SGSM1: variants seen among roughly 807,000 people sequenced by gnomAD.
SGSM1 encodes the protein small G protein signaling modulator 1.
SGSM1 carries 73 observed loss-of-function variants against 133.8 expected under a neutral mutation model. That is an observed-to-expected ratio of 0.55 (90% CI 0.45 to 0.66). SGSM1 has a LOEUF of 0.66. SGSM1 is among the 30% of genes least tolerant of loss of function. SGSM1 has a pLI of 0.00. For missense variants in SGSM1, 1,213 were observed against 1,448.1 expected (o/e 0.84, Z 2.64); for synonymous variants, 563 against 573.0 (o/e 0.98, Z 0.25).
intron 3 of SGSM1, among the ~76,000 whole-genome samples, chr22:24,846,225 G>T (rs1471407193): frequency 6.6e-6 from 1 of 151,498 alleles, no homozygotes; most frequent in African/African-American, 2.4e-5. Flanking sequence ...TTTCTGTAAA[G>T]ATGGAGTCTT....
chr22:24,844,866 C>T (rs1930003983), intron 2 of SGSM1, 31 bp from the exon 3 acceptor site: 4 of 1,611,512 alleles, frequency 2.5e-6, no homozygotes, highest in Admixed American at 3.3e-5. Flanking sequence ...CACCTTGGAC[C>T]TCTTCCCCTC....
At chr22:24,902,860 C>A (rs1315845394) in intron 20 of SGSM1, among the ~76,000 whole-genome samples, 1 of 152,096 alleles carries the variant, frequency 6.6e-6, no homozygotes, top group Admixed American at 6.6e-5. Context: ...GGCAACATAA[C>A]AAGACCCCAT....
At chr22:24,828,931 C>T (rs114746069) in intron 2 of SGSM1, among the ~76,000 whole-genome samples, 7,658 of 152,208 alleles carry the variant, frequency 0.05, 678 homozygotes, top group African/African-American at 0.17. Context: ...CAGTGGCTCA[C>T]GTCTATGATC....
intron 21 of SGSM1, among the ~76,000 whole-genome samples, chr22:24,905,554 G>A (rs1933343982): frequency 6.6e-6 from 1 of 152,174 alleles, no homozygotes; most frequent in African/African-American, 2.4e-5. Context: ...TTGGGAGGCT[G>A]AGGCGGGCGG....
At chr22:24,828,522 A>G (rs966623301) in intron 2 of SGSM1, among the ~76,000 whole-genome samples, 1 of 152,190 alleles carries the variant, frequency 6.6e-6, no homozygotes, top group Non-Finnish European at 1.5e-5. Context: ...GCTCAACATC[A>G]CTGGTCGTTA....
intron 18 of SGSM1, 33 bp from the exon 19 acceptor site, chr22:24,897,939 C>A: frequency 1.3e-6 from 2 of 1,537,098 alleles, no homozygotes; most frequent in South Asian, 1.2e-5. Context: ...GTCGACATGC[C>A]GGTCCATCTG....
intron 13 of SGSM1, among the ~76,000 whole-genome samples, chr22:24,878,182 C>G (rs1932128942): frequency 6.6e-6 from 1 of 152,164 alleles, no homozygotes; most frequent in Non-Finnish European, 1.5e-5. Context: ...TGGACTATTT[C>G]CTAGAGGTCC....
At chr22:24,850,985 C>T (rs1419948275) in intron 5 of SGSM1, among the ~76,000 whole-genome samples, 1 of 151,614 alleles carries the variant, frequency 6.6e-6, no homozygotes, top group Admixed American at 6.6e-5. Flanking sequence ...TCTGTAGCTC[C>T]AGCTACTCAG....
intron 19 of SGSM1, among the ~76,000 whole-genome samples, chr22:24,900,404 T>TTTCC (rs1933109682): frequency 1.3e-5 from 1 of 75,866 alleles, no homozygotes; most frequent in South Asian, 5.2e-4. Flanking sequence ...TCTTTCTTTC[T>TTTCC]TTCTGTATTT....
At chr22:24,850,203 A>G (rs1601920183) in intron 4 of SGSM1, 77 bp from the exon 5 acceptor site, 6 of 1,385,372 alleles carry the variant, frequency 4.3e-6, no homozygotes, top group Admixed American at 2.4e-5. Flanking sequence ...GAGATTGAAC[A>G]TTCTCCCATT....
At chr22:24,920,049 T>C in intron 24 of SGSM1, 56 bp downstream of exon 24, 1 of 1,534,902 alleles carries the variant, frequency 6.5e-7, no homozygotes, top group Non-Finnish European at 8.8e-7. Context: ...AGGCCCCTTT[T>C]GGGCATCTCA....
chr22:24,918,744 T>C (rs2123747207), intron 23 of SGSM1, among the ~76,000 whole-genome samples: 1 of 152,038 alleles, frequency 6.6e-6, no homozygotes, highest in East Asian at 1.9e-4. Flanking sequence ...TTTTTTTCTT[T>C]TTTGGAGACG....
chr22:24,916,652 C>T (rs1479848211), intron 22 of SGSM1, among the ~76,000 whole-genome samples: 2 of 151,910 alleles, frequency 1.3e-5, no homozygotes, highest in South Asian at 2.1e-4. Context: ...GAGCTGAAAT[C>T]GCACCACTGC....
At chr22:24,861,851 A>G (rs1381620971) in intron 9 of SGSM1, among the ~76,000 whole-genome samples, 2 of 145,116 alleles carry the variant, frequency 1.4e-5, no homozygotes, top group Admixed American at 6.8e-5. Context: ...TTTATTTTAT[A>G]TGGAGATGGT....
At chr22:24,846,811 G>A (rs999251646) in intron 3 of SGSM1, among the ~76,000 whole-genome samples, 2 of 151,786 alleles carry the variant, frequency 1.3e-5, no homozygotes, top group Non-Finnish European at 2.9e-5. Context: ...GGCAGATTAG[G>A]CAATATTTGT....
rs533825495 is a variant in SGSM1 at position 24,841,825 on chromosome 22, G to A, written c.64-3072G>A. On this transcript the variant is annotated intron_variant, in intron 2 of 24. Transcript: ENST00000400358. ...TCGCCAGGCTGGAGTGCAGTGGCACGATCTCGGCTTACTGCAACCTCTGCC... is the reference window on the plus strand; with the variant it reads ...TCGCCAGGCTGGAGTGCAGTGGCACAATCTCGGCTTACTGCAACCTCTGCC... Among the ~76,000 whole-genome samples, 7 of 152,324 alleles carry A rather than the reference G, an allele frequency of 4.6e-5. No homozygotes were observed. In the East Asian group the frequency reaches 9.6e-4, roughly 21 times the overall value.
rs1930229528 is a variant in SGSM1 at position 24,847,728 on chromosome 22, C to A, written c.234C>A (p.Gly78=). ...TTGCAGCCCTCTTTATGAAAGTGGG[C>A]AAGAACTTCCCGCCGGCTGAGGATC... ...NKIAALFMKV[G]KNFPPAEDLS... is the part of the protein sequence containing the mutation. Residue 78 remains glycine, a synonymous_variant, in exon 4 of 25, where the codon GGC becomes GGA. Coordinates refer to ENST00000400358, the MANE Select transcript of SGSM1 (RefSeq NM_001098497.3). 3 of 1,613,910 alleles carry A rather than the reference C, an allele frequency of 1.9e-6. No homozygotes were observed. Among genetic ancestry groups the A allele is most frequent in the Non-Finnish European group, 1.7e-6 (2 of 1,179,860 alleles).
Position 24,806,482 on chromosome 22 carries a change from G to C in SGSM1, c.61G>C (p.Glu21Gln). The C allele has an allele frequency of 6.6e-7, 1 of 1,514,636 alleles. No individual in the cohort carries two copies. The allele number at this position is 1,514,636 out of a possible 1,614,324, so 93.8% of individuals were successfully genotyped here. ...GAGGCTGCTACGCACCGTCAAGAAGGAGGTGGGTGCCGGGGTGGGGGCACT... is the reference window on the plus strand; with the variant it reads ...GAGGCTGCTACGCACCGTCAAGAAGCAGGTGGGTGCCGGGGTGGGGGCACT... ...RQRLLRTVKK[E>Q]VKQIMEEAVT... Residue 21 changes from glutamate to glutamine, a missense_variant and splice_region_variant, in exon 2 of 25, where the codon GAG becomes CAG. Coordinates refer to ENST00000400358, the MANE Select transcript of SGSM1 (RefSeq NM_001098497.3).
At chr22:24,844,708 G>A (rs1929992667) in intron 2 of SGSM1, 189 bp from the exon 3 acceptor site, 2 of 570,928 alleles carry the variant, frequency 3.5e-6, no homozygotes, top group Admixed American at 3.1e-5. Context: ...AAAATGAGAA[G>A]CATGGAGCTG....
Sources: allele counts gnomAD v4.1 joint callset (sites outside exome capture counted in the v4.1 genomes callset), GRCh38; gene constraint gnomAD v4.1.1; transcripts MANE v1.5; gene names NCBI Gene and HGNC (gene_info 2026-07-23, HGNC 2026-07-21).